The following PDE12 variants were observed in gnomAD, a reference collection of about 807,000 sequenced individuals.
The protein encoded by PDE12 is 2',5'-phosphodiesterase 12.
PDE12 carries 26 observed loss-of-function variants against 45.4 expected under a neutral mutation model. The observed-to-expected ratio is 0.57, with a 90% confidence interval of 0.42 to 0.79. The LOEUF (loss-of-function observed/expected upper bound fraction) is 0.79, where lower values mean the gene tolerates loss of function less well. PDE12 is among the 30% of genes least tolerant of loss of function. PDE12 has a pLI of 0.00. For synonymous variants in PDE12, 283 were observed against 323.9 expected, an observed-to-expected ratio of 0.87 and a Z score of 1.36; for missense variants, 668 against 790.0, an observed-to-expected ratio of 0.85 and a Z score of 1.85.
the PDE12 span, chr3:57,626,344 A>T: frequency 3.3e-5 from 5 of 152,272 alleles, no homozygotes; most frequent in Admixed American, 6.5e-5. Context: ...CATACAACTA[A>T]ATTTGGTTAT....
chr3:57,611,000 A>G, the PDE12 span, among the ~76,000 whole-genome samples: 1 of 152,188 alleles, frequency 6.6e-6, no homozygotes, highest in South Asian at 2.1e-4. Context: ...ACAAGGCTAC[A>G]GTAACCAAAA....
In PDE12 at chr3:57,560,780, A is replaced by T; in HGVS notation, c.*776A>T. ...GGAAAATGTATTTAAGTTAAGGGTG[A>T]GAGACTTAAGTTATAGGTGACCTTA... is the stretch of plus-strand genomic sequence containing the variant. On this transcript the variant is annotated 3_prime_UTR_variant, in exon 3 of 3. Coordinates refer to ENST00000311180, the MANE Select transcript of PDE12 (RefSeq NM_177966.7). 4.1e-6 allele frequency: 4 copies of T among 985,538 alleles called. No individual in the cohort carries two copies. The highest frequency in any genetic ancestry group is 3.5e-5 in the African/African-American group (2 of 57,372). 61.0% of individuals were successfully genotyped at this position (985,538 alleles called of 1,614,324 possible). A position where few individuals can be genotyped will look rare whatever the true frequency, so the allele number is the denominator to read the frequency against.
the PDE12 span, among the ~76,000 whole-genome samples, chr3:57,587,249 G>A: frequency 6.6e-6 from 1 of 150,890 alleles, no homozygotes; most frequent in Admixed American, 6.6e-5. Context: ...AACCCAGGAG[G>A]CGGATGTTGC....
the PDE12 span, among the ~76,000 whole-genome samples, chr3:57,620,714 T>A: frequency 6.6e-5 from 10 of 152,082 alleles, no homozygotes; most frequent in Admixed American, 3.9e-4. Flanking sequence ...AATTTAAATT[T>A]TAAAAAAATA....
the PDE12 span, among the ~76,000 whole-genome samples, chr3:57,611,038 A>T: frequency 2.0e-5 from 3 of 152,256 alleles, no homozygotes; most frequent in East Asian, 5.8e-4. Flanking sequence ...CAAAACAGAG[A>T]TATAGACCAA....
chr3:57,579,601 T>A, the PDE12 span, among the ~76,000 whole-genome samples: 1 of 152,070 alleles, frequency 6.6e-6, no homozygotes, highest in Non-Finnish European at 1.5e-5. Context: ...TCCTACATCA[T>A]TTTCTGTTTA....
the PDE12 span, among the ~76,000 whole-genome samples, chr3:57,603,336 TTTTA>T: frequency 2.0e-5 from 3 of 152,110 alleles, no homozygotes; most frequent in East Asian, 1.9e-4. Flanking sequence ...CATGTTTATT[TTTTA>T]TTTATTTATT....
At chr3:57,632,770 A>G in the PDE12 span, among the ~76,000 whole-genome samples, 1 of 152,180 alleles carries the variant, frequency 6.6e-6, no homozygotes, top group Non-Finnish European at 1.5e-5. Context: ...CTAGTCATTT[A>G]TTCCATAAAT....
At chr3:57,567,735 T>A (rs192853909), downstream of PDE12, among the ~76,000 whole-genome samples, 7 of 152,234 alleles carry the variant, frequency 4.6e-5, no homozygotes, top group Non-Finnish European at 7.4e-5. Context: ...ATATTTACAT[T>A]ATTGAAACAT....
At chr3:57,654,914 A>G in the PDE12 span, 1 of 483,210 alleles carries the variant, frequency 2.1e-6, no homozygotes, top group Non-Finnish European at 2.7e-6. Flanking sequence ...CTACAGAAAC[A>G]AAAAGCACAG....
At chr3:57,616,949 G>C in the PDE12 span, among the ~76,000 whole-genome samples, 1 of 152,098 alleles carries the variant, frequency 6.6e-6, no homozygotes, top group Non-Finnish European at 1.5e-5. Context: ...GCTTGAACCC[G>C]GGAAGCGGAG....
chr3:57,574,434 A>T, the PDE12 span, among the ~76,000 whole-genome samples: 2 of 149,652 alleles, frequency 1.3e-5, no homozygotes, highest in East Asian at 3.9e-4. Flanking sequence ...TTAAAGAAAC[A>T]GTCTTGCTCT....
the PDE12 span, among the ~76,000 whole-genome samples, chr3:57,588,427 G>A: frequency 6.6e-6 from 1 of 152,292 alleles, no homozygotes; most frequent in African/African-American, 2.4e-5. Flanking sequence ...TAGCTGGGAA[G>A]CTGTGCATGG....
intron 1 of PDE12, among the ~76,000 whole-genome samples, chr3:57,558,908 G>A (rs2069695579): frequency 6.6e-6 from 1 of 151,852 alleles, no homozygotes; most frequent in Non-Finnish European, 1.5e-5. Context: ...GGAAGAAAAC[G>A]TTAGTTCGCC....
chr3:57,619,824 C>T, the PDE12 span, among the ~76,000 whole-genome samples: 44 of 150,610 alleles, frequency 2.9e-4, no homozygotes, highest in East Asian at 6.2e-3. Context: ...CACTCCAGCC[C>T]GGGCAACAGA....
chr3:57,595,760 C>A, the PDE12 span, among the ~76,000 whole-genome samples: 2 of 152,128 alleles, frequency 1.3e-5, no homozygotes, highest in African/African-American at 2.4e-5. Context: ...ACCAGACTGG[C>A]CAACGTGGTG....
chr3:57,620,648 T>C, the PDE12 span, among the ~76,000 whole-genome samples: 23 of 152,238 alleles, frequency 1.5e-4, no homozygotes, highest in African/African-American at 5.1e-4. Context: ...AAGATCAATA[T>C]ATAAAAACTA....
At chr3:57,633,305 C>T in the PDE12 span, 8 of 1,613,666 alleles carry the variant, frequency 5.0e-6, no homozygotes, top group Admixed American at 8.3e-5. Context: ...CAAAAAATAG[C>T]GTCGAAGAAT....
the PDE12 span, among the ~76,000 whole-genome samples, chr3:57,650,621 A>G: frequency 6.6e-6 from 1 of 152,160 alleles, no homozygotes; most frequent in African/African-American, 2.4e-5. Flanking sequence ...TGGGAAGAGA[A>G]AATACAAGAT....
Sources: allele counts gnomAD v4.1 joint callset (sites outside exome capture counted in the v4.1 genomes callset), GRCh38; gene constraint gnomAD v4.1.1; transcripts MANE v1.5; gene names NCBI Gene and HGNC (gene_info 2026-07-23, HGNC 2026-07-21).